The following CPLANE1 variants were observed in gnomAD, a reference collection of about 807,000 sequenced individuals.
CPLANE1 encodes the protein ciliogenesis and planar polarity effector 1.
Under a neutral mutation model 362.5 loss-of-function variants are expected in CPLANE1, and 263 were observed. The observed-to-expected ratio is 0.73, with a 90% CI of 0.66 to 0.80. The LOEUF (loss-of-function observed/expected upper bound fraction) is 0.80. Ranked by LOEUF, CPLANE1 falls within the 30% of genes least tolerant of loss-of-function variation. The pLI is 0.00. For synonymous variants in CPLANE1, 1,212 were observed against 1,302.6 expected (o/e 0.93, Z 1.50); for missense variants, 3,461 against 3,793.4 (o/e 0.91, Z 2.30).
At chr5:37,187,302 G>A in intron 23 of CPLANE1, 112 bp downstream of exon 23, 3 of 860,964 alleles carry the variant, frequency 3.5e-6, no homozygotes, top group Non-Finnish European at 3.5e-6. Flanking sequence ...AAGATATTAT[G>A]CTAAGTGAAA....
At chr5:37,089,601 C>T in the CPLANE1 span, among the ~76,000 whole-genome samples, 1 of 152,170 alleles carries the variant, frequency 6.6e-6, no homozygotes, top group African/African-American at 2.4e-5. Flanking sequence ...AAGACTTTTG[C>T]ATGACCTACG....
At chr5:37,130,020 A>T (rs1765312220) in intron 46 of CPLANE1, among the ~76,000 whole-genome samples, 1 of 152,230 alleles carries the variant, frequency 6.6e-6, no homozygotes, top group African/African-American at 2.4e-5. Flanking sequence ...ATGAGTGGAT[A>T]AAGAAATTGT....
At position 37,121,742 on chromosome 5, in the gene CPLANE1, C is replaced by T. The variant is rs370851364; in HGVS notation, c.9060G>A (p.Ala3020=). 2.4e-5 allele frequency: 38 copies of T among 1,613,798 alleles called. No homozygotes were observed. The highest frequency in any genetic ancestry group is 6.7e-5 in the African/African-American group (5 of 74,904). The change falls in exon 49 of 53, where the codon GCG becomes GCA. Residue 3020 remains alanine, a synonymous_variant. Transcript: ENST00000651892. ...SEHYSRRISQ[A]YGLMNELLSE... ...ATAACAGTTCATTCATCAGACCGTA[C>T]GCTTGTGAGATTCGACGACTATAGT...
the CPLANE1 span, among the ~76,000 whole-genome samples, chr5:37,077,369 A>C: frequency 6.6e-6 from 1 of 152,022 alleles, no homozygotes; most frequent in Non-Finnish European, 1.5e-5. Context: ...CTTTTGCATA[A>C]ATTATATCAT....
the CPLANE1 span, among the ~76,000 whole-genome samples, chr5:37,100,916 G>A: frequency 3.2e-4 from 49 of 152,258 alleles, no homozygotes; most frequent in East Asian, 6.9e-3. Flanking sequence ...CTGCTTGTCT[G>A]TCGTTGGTGA....
chr5:37,182,669 A>T, intron 26 of CPLANE1, 91 bp downstream of exon 26: 2 of 813,968 alleles, frequency 2.5e-6, no homozygotes, highest in Non-Finnish European at 3.7e-6. Flanking sequence ...TCTATTATTT[A>T]ATGATTCTTT....
At chr5:37,157,102 T>C (rs1302342744) in intron 41 of CPLANE1, among the ~76,000 whole-genome samples, 1 of 152,194 alleles carries the variant, frequency 6.6e-6, no homozygotes, top group Admixed American at 6.5e-5. Flanking sequence ...AGAAAAGACA[T>C]ATGCATAAAC....
the CPLANE1 span, among the ~76,000 whole-genome samples, chr5:37,077,273 G>T: frequency 2.8e-4 from 43 of 152,208 alleles, no homozygotes; most frequent in Non-Finnish European, 4.7e-4. Flanking sequence ...ATGTAGAACA[G>T]CTGCATGCCC....
At chr5:37,245,297 CTATATATATATATATATA>C (rs57781968) in intron 4 of CPLANE1, among the ~76,000 whole-genome samples, 164 bp downstream of exon 4, 3,107 of 59,688 alleles carry the variant, frequency 0.052, 159 homozygotes, top group African/African-American at 0.12. Context: ...ATAACCAAAA[CTATATATATATATATATA>C]TATATATATA....
chr5:37,148,125 T>G, intron 43 of CPLANE1, 56 bp downstream of exon 43: 2 of 1,336,382 alleles, frequency 1.5e-6, no homozygotes, highest in Non-Finnish European at 2.1e-6. Context: ...ACAATGCACA[T>G]TCTTTCAGAT....
intron 51 of CPLANE1, 78 bp downstream of exon 51, chr5:37,114,881 AG>A: frequency 1.2e-6 from 1 of 849,850 alleles, no homozygotes; most frequent in East Asian, 2.6e-5. Flanking sequence ...ACTGGGCAAC[AG>A]AGTGAGACTC....
chr5:37,243,350 T>G (rs1800991305), intron 5 of CPLANE1, among the ~76,000 whole-genome samples: 1 of 152,044 alleles, frequency 6.6e-6, no homozygotes, highest in Non-Finnish European at 1.5e-5. Flanking sequence ...ATACTGACAT[T>G]GACTGTGACT....
In CPLANE1 at chr5:37,249,245, C is replaced by G. The variant is rs2150905306; in HGVS notation, c.-48G>C. The G allele has an allele frequency of 6.5e-6, 1 of 152,796 alleles. No homozygotes were observed. Among genetic ancestry groups the G allele is most frequent in the Non-Finnish European group, 1.5e-5 (1 of 68,424 alleles). 9.5% of individuals were successfully genotyped at this position (152,796 alleles called of 1,614,324 possible). On this transcript the variant is annotated splice_region_variant and 5_prime_UTR_variant, in exon 1 of 53. Coordinates refer to ENST00000651892, the MANE Select transcript of CPLANE1 (RefSeq NM_001384732.1). ...GGGTAAGGAATCCGCGGGCAGTTAC[C>G]TCCGCCAGGGGCAGGGTCCGGCCAG...
intron 50 of CPLANE1, among the ~76,000 whole-genome samples, chr5:37,119,468 C>T (rs1383643764): frequency 1.3e-5 from 2 of 149,752 alleles, no homozygotes; most frequent in South Asian, 2.1e-4. Context: ...GTCGGGAGTT[C>T]GAGACCAGCC....
intron 6 of CPLANE1, 56 bp downstream of exon 6, chr5:37,242,957 G>T: frequency 8.2e-7 from 1 of 1,223,736 alleles, no homozygotes; most frequent in Non-Finnish European, 1.2e-6. Flanking sequence ...GCAAGACCCT[G>T]CCTCCAAAAG....
Position 37,108,508 on chromosome 5 carries a change from G to C in CPLANE1, c.9401-37C>G, listed in dbSNP as rs183932593. ...TAAGAACAAAGCACACATTGGGATTGATTCATTCATTCATTCATTCATTTG... is the reference window on the plus strand; with the variant it reads ...TAAGAACAAAGCACACATTGGGATTCATTCATTCATTCATTCATTCATTTG... On this transcript the variant is annotated intron_variant, in intron 51 of 52. Coordinates refer to ENST00000651892, the MANE Select transcript of CPLANE1 (RefSeq NM_001384732.1). The C allele has an allele frequency of 1.7e-4, 266 of 1,537,016 alleles. 1 individual carries two copies. The African/African-American group carries it at 3.1e-3, about 18-fold the overall frequency.
chr5:37,190,442 G>A (rs955432430), intron 21 of CPLANE1, among the ~76,000 whole-genome samples: 4 of 151,680 alleles, frequency 2.6e-5, no homozygotes, highest in Non-Finnish European at 5.9e-5. Flanking sequence ...ACCAGGCCTG[G>A]TGGTGCACAC....
intron 43 of CPLANE1, among the ~76,000 whole-genome samples, chr5:37,145,645 C>G: frequency 6.6e-6 from 1 of 152,008 alleles, no homozygotes. Flanking sequence ...CAAGAATAAC[C>G]ACTAAAAACT....
At chr5:37,211,272 C>T (rs949849465) in intron 16 of CPLANE1, 12 of 1,512,952 alleles carry the variant, frequency 7.9e-6, no homozygotes, top group Admixed American at 3.5e-5. Flanking sequence ...AAGGGTCAAA[C>T]AGCTTCAGCA....
Sources: allele counts gnomAD v4.1 joint callset (sites outside exome capture counted in the v4.1 genomes callset), GRCh38; gene constraint gnomAD v4.1.1; transcripts MANE v1.5; gene names NCBI Gene and HGNC (gene_info 2026-07-23, HGNC 2026-07-21).